MAGED1: variants seen among roughly 807,000 people sequenced by gnomAD.
MAGED1 encodes MAGE family member D1.
Under a neutral mutation model 54.1 loss-of-function variants are expected in MAGED1, and 3 were observed. That is an observed-to-expected ratio of 0.06 (90% CI 0.03 to 0.14). The LOEUF (loss-of-function observed/expected upper bound fraction) is 0.14. Ranked by LOEUF, MAGED1 falls within the 10% of genes least tolerant of loss-of-function variation. MAGED1 has a pLI of 1.00. For missense variants in MAGED1, 485 were observed against 623.4 expected (o/e 0.78, Z 2.36); for synonymous variants, 217 against 227.3 (o/e 0.95, Z 0.41).
At chrX:51,824,503 T>A (rs1159590310) in intron 1 of MAGED1, among the ~76,000 whole-genome samples, 2 of 110,727 alleles carry the variant, frequency 1.8e-5, no homozygotes, top group Admixed American at 1.9e-4. Flanking sequence ...GTGTATATAC[T>A]TCTCATTTTT....
intron 1 of MAGED1, among the ~76,000 whole-genome samples, chrX:51,836,208 T>C (rs1194389259): frequency 9.0e-6 from 1 of 111,029 alleles, no homozygotes; most frequent in African/African-American, 3.3e-5. Context: ...GATTTTTTTT[T>C]TTTTTTATTT....
At chrX:51,887,650 G>A (rs1557362927) in intron 1 of MAGED1, among the ~76,000 whole-genome samples, 1 of 103,645 alleles carries the variant, frequency 9.6e-6, no homozygotes, top group Non-Finnish European at 2.0e-5. Flanking sequence ...CCGCCCCCCT[G>A]CCCCCTCCCC....
intron 1 of MAGED1, among the ~76,000 whole-genome samples, chrX:51,840,955 T>C (rs1160991763): frequency 2.7e-5 from 3 of 110,850 alleles, no homozygotes; most frequent in African/African-American, 9.9e-5. Context: ...TACCCAGTAA[T>C]GGGATGGCTG....
chrX:51,888,480 A>G (rs1401045155), intron 1 of MAGED1, among the ~76,000 whole-genome samples: 1 of 112,201 alleles, frequency 8.9e-6, no homozygotes, highest in African/African-American at 3.2e-5. Flanking sequence ...GATGCTAGCA[A>G]GGATTTGGAG....
Position 51,841,177 on chromosome X carries a change from G to A in MAGED1, c.-37+38060G>A, listed in dbSNP as rs1479027239. On this transcript the variant is annotated intron_variant, in intron 1 of 12. Coordinates refer to the MAGED1 transcript ENST00000375772. ...TTGTGGTTTTGATTTGCATTTCTCTGATGGCCAGTGATGATGAGCATTTCT... is the reference window on the plus strand; with the variant it reads ...TTGTGGTTTTGATTTGCATTTCTCTAATGGCCAGTGATGATGAGCATTTCT... Among the ~76,000 whole-genome samples, 9 of 109,582 alleles carry A rather than the reference G, an allele frequency of 8.2e-5. No individual in the cohort carries two copies. In the South Asian group the frequency reaches 2.9e-3, roughly 35 times the overall value.
chrX:51,830,301 A>T (rs935529985), intron 1 of MAGED1, among the ~76,000 whole-genome samples: 2 of 111,598 alleles, frequency 1.8e-5, no homozygotes, highest in Non-Finnish European at 3.8e-5. Context: ...AATAGAAATG[A>T]TGCACACCAT....
intron 1 of MAGED1, among the ~76,000 whole-genome samples, chrX:51,849,798 A>G (rs1557359599): frequency 9.0e-6 from 1 of 111,725 alleles, no homozygotes; most frequent in East Asian, 2.8e-4. Context: ...ATGAACCATA[A>G]CTATAGAGCT....
At chrX:51,862,084 C>CA (rs1374948352) in intron 1 of MAGED1, among the ~76,000 whole-genome samples, 1 of 111,942 alleles carries the variant, frequency 8.9e-6, no homozygotes, top group African/African-American at 3.3e-5. Flanking sequence ...GGGCTGTTTT[C>CA]AATCCTGAAA....
intron 1 of MAGED1, among the ~76,000 whole-genome samples, chrX:51,876,289 G>A (rs73204561): frequency 9.2e-6 from 1 of 108,200 alleles, no homozygotes; most frequent in Non-Finnish European, 1.9e-5. Context: ...CTTTCAACCA[G>A]AGTTCAAATG....
At chrX:51,814,873 G>A (rs1440648374) in intron 1 of MAGED1, among the ~76,000 whole-genome samples, 1 of 107,087 alleles carries the variant, frequency 9.3e-6, no homozygotes, top group Non-Finnish European at 1.9e-5. Flanking sequence ...GCTCACGCCT[G>A]TAATCCCAGC....
At chrX:51,850,790 C>T (rs1251940366) in intron 1 of MAGED1, among the ~76,000 whole-genome samples, 1 of 110,623 alleles carries the variant, frequency 9.0e-6, no homozygotes, top group Non-Finnish European at 1.9e-5. Context: ...ATCCCAGCTA[C>T]TCGGGAGGCT....
intron 1 of MAGED1, among the ~76,000 whole-genome samples, chrX:51,810,618 G>A (rs1179420566): frequency 8.9e-6 from 1 of 111,868 alleles, no homozygotes; most frequent in Non-Finnish European, 1.9e-5. Context: ...AGTGTCTAAA[G>A]AGCAGTGAAC....
intron 1 of MAGED1, among the ~76,000 whole-genome samples, chrX:51,846,409 G>A (rs56790100): frequency 0.061 from 6,796 of 111,169 alleles, 492 homozygotes; most frequent in African/African-American, 0.21. Flanking sequence ...AGGAATGTAG[G>A]TAGACTGTGG....
intron 1 of MAGED1, among the ~76,000 whole-genome samples, chrX:51,811,859 GATT>G (rs1194318081): frequency 1.8e-5 from 2 of 111,498 alleles, no homozygotes; most frequent in Non-Finnish European, 3.8e-5. Flanking sequence ...GGGGAAGATA[GATT>G]GCAAGCCTTA....
At chrX:51,803,456 C>T (rs1221341019) in intron 1 of MAGED1, among the ~76,000 whole-genome samples, 2 of 108,743 alleles carry the variant, frequency 1.8e-5, no homozygotes, top group African/African-American at 6.7e-5. Flanking sequence ...CTACCTCCTA[C>T]CTCTCACCTC....
intron 2 of MAGED1, chrX:51,894,568 C>T: frequency 9.4e-7 from 1 of 1,060,792 alleles, no homozygotes; most frequent in African/African-American, 1.9e-5. Context: ...TGTTAGTAGT[C>T]AGGGCAATCT....
rs372271163 is a variant in MAGED1 at position 51,825,282 on chromosome X, A to C, written c.-37+22165A>C. On this transcript the variant is annotated intron_variant, in intron 1 of 12. Coordinates refer to the MAGED1 transcript ENST00000375772. ...TTAGGTGATGGCTACTCAGCAGCAC[A>C]GTGGGGAGTCTCTGGGTCAGAGAGA... Among the ~76,000 whole-genome samples the C allele has an allele frequency of 1.1e-4, 12 of 111,208 alleles. No homozygotes were observed. The East Asian group carries it at 2.3e-3, about 21-fold the overall frequency.
Position 51,902,154 on chromosome X carries a change from A to G in MAGED1, c.*17A>G, listed in dbSNP as rs1481621632. On this transcript the variant is annotated 3_prime_UTR_variant, in exon 13 of 13. Coordinates refer to ENST00000326587, the MANE Select transcript of MAGED1 (RefSeq NM_006986.4). ...CTTTCTTATGTTCACAGATATTGCT[A>G]TCAATCGCAGTAGTCTTTCCCCTGT... 7 of 331,259 alleles carry G rather than the reference A, an allele frequency of 2.1e-5. No individual in the cohort carries two copies. Among genetic ancestry groups the G allele is most frequent in the Non-Finnish European group, 3.1e-5 (6 of 195,287 alleles). The allele number at this position is 331,259 out of a possible 1,213,427, so 27.3% of individuals were successfully genotyped here.
chrX:51,861,298 A>G (rs925042248), intron 1 of MAGED1, among the ~76,000 whole-genome samples: 16 of 111,991 alleles, frequency 1.4e-4, no homozygotes, highest in African/African-American at 5.2e-4. Flanking sequence ...CTTAAAAAAG[A>G]AATAACAAAA....
Sources: allele counts gnomAD v4.1 joint callset (sites outside exome capture counted in the v4.1 genomes callset), GRCh38; gene constraint gnomAD v4.1.1; transcripts MANE v1.5; gene names NCBI Gene and HGNC (gene_info 2026-07-23, HGNC 2026-07-21).